RAPH1: variants seen among roughly 807,000 people sequenced by gnomAD.
RAPH1 encodes the protein Ras association (RalGDS/AF-6) and pleckstrin homology domains 1.
In RAPH1, 18 loss-of-function variants were observed where a neutral mutation model predicts 88.1. The observed-to-expected ratio is 0.20, with a 90% CI of 0.14 to 0.30. The LOEUF is 0.30. RAPH1 is among the 10% of genes least tolerant of loss of function. The pLI, the probability that RAPH1 is intolerant of heterozygous loss-of-function variation, is 1.00. For missense variants in RAPH1, 1,448 were observed against 1,543.2 expected (o/e 0.94, Z 1.03); for synonymous variants, 587 against 559.0 (o/e 1.05, Z -0.71).
Position 203,528,998 on chromosome 2 carries a change from TA to T in RAPH1, c.-1+6112del, listed in dbSNP as rs1159301331. ...GTTTTGCTATATATATATATATATA[TA>T]TATATATTTTTTTTTTTTTTTTTTT... On this transcript the variant is annotated intron_variant, in intron 1 of 13. Transcript: ENST00000319170. Among the ~76,000 whole-genome samples the T allele has an allele frequency of 2.3e-3, 211 of 90,408 alleles. 2 individuals are homozygous for T. The highest frequency in any genetic ancestry group is 8.7e-3 in the African/African-American group (161 of 18,566). 59.3% of individuals were successfully genotyped at this position (90,408 alleles called of 152,430 possible).
chr2:203,480,201 G>A (rs1687660234), intron 4 of RAPH1, among the ~76,000 whole-genome samples: 3 of 152,160 alleles, frequency 2.0e-5, no homozygotes, highest in African/African-American at 7.2e-5. Context: ...TTAAAACAAA[G>A]TGCCATTTAC....
At chr2:203,462,884 C>A (rs2098525274) in intron 4 of RAPH1, among the ~76,000 whole-genome samples, 1 of 151,916 alleles carries the variant, frequency 6.6e-6, no homozygotes, top group Non-Finnish European at 1.5e-5. Context: ...CTTTTGATTA[C>A]TCTGGAAAAT....
At chr2:203,510,106 A>C (rs1242726121) in intron 1 of RAPH1, among the ~76,000 whole-genome samples, 1 of 152,150 alleles carries the variant, frequency 6.6e-6, no homozygotes, top group Non-Finnish European at 1.5e-5. Context: ...AAAAAGCTTC[A>C]AGATGTCTGC....
Position 203,436,182 on chromosome 2 carries a change from T to C in RAPH1, c.*3255A>G, listed in dbSNP as rs1416376731. 6.6e-6 allele frequency: 1 copy of C among 152,212 alleles called. No individual in the cohort carries two copies. Among genetic ancestry groups the C allele is most frequent in the Non-Finnish European group, 1.5e-5 (1 of 68,038 alleles). The allele number at this position is 152,212 out of a possible 1,614,324, so 9.4% of individuals were successfully genotyped here. On this transcript the variant is annotated 3_prime_UTR_variant, in exon 14 of 14. Coordinates refer to ENST00000319170, the MANE Select transcript of RAPH1 (RefSeq NM_213589.3). ...ATAGTTCACAGCCCTTTGCAGGATATGCCTTTGGTGGGTGGGAGCACCTAG... is the reference window on the plus strand; with the variant it reads ...ATAGTTCACAGCCCTTTGCAGGATACGCCTTTGGTGGGTGGGAGCACCTAG...
At chr2:203,514,648 G>C (rs1311902991) in intron 1 of RAPH1, among the ~76,000 whole-genome samples, 1 of 151,744 alleles carries the variant, frequency 6.6e-6, no homozygotes, top group Non-Finnish European at 1.5e-5. Context: ...TCTGCCTCCC[G>C]GGTTCATGCC....
At chr2:203,470,778 T>C (rs1186358935) in intron 4 of RAPH1, among the ~76,000 whole-genome samples, 1 of 152,230 alleles carries the variant, frequency 6.6e-6, no homozygotes, top group Non-Finnish European at 1.5e-5. Context: ...CTTATCCAAG[T>C]ATTTCTGATC....
chr2:203,452,718 TC>T (rs2098515910), intron 10 of RAPH1, among the ~76,000 whole-genome samples: 1 of 152,166 alleles, frequency 6.6e-6, no homozygotes, highest in Admixed American at 6.5e-5. Context: ...TCCCAGCACT[TC>T]AGCAGACTGA....
At chr2:203,529,712 T>C (rs1241613743) in intron 1 of RAPH1, among the ~76,000 whole-genome samples, 2 of 152,206 alleles carry the variant, frequency 1.3e-5, no homozygotes, top group Admixed American at 6.5e-5. Flanking sequence ...ACAATAATAC[T>C]GGGCCTACTG....
In RAPH1 at chr2:203,439,461, G is replaced by A. The variant is rs749501910; in HGVS notation, c.3729C>T (p.Asn1243=). Residue 1243 remains asparagine (N), a synonymous_variant, in exon 14 of 14, where the codon AAC becomes AAT. Coordinates refer to ENST00000319170, the MANE Select transcript of RAPH1 (RefSeq NM_213589.3). ...GCTACCAGTCTCTGGAGAGCTTGGTGTTCTGGTCTCTTTTGGGGGGAGCAG... is the reference window on the plus strand; with the variant it reads ...GCTACCAGTCTCTGGAGAGCTTGGTATTCTGGTCTCTTTTGGGGGGAGCAG... ...PPPAPPKRDQ[N]TKLSRDW is the part of the protein sequence containing the mutation. 8 of 1,613,908 alleles carry A rather than the reference G, an allele frequency of 5.0e-6. No homozygotes were observed. The Admixed American group carries it at 1.2e-4, about 24-fold the overall frequency.
intron 4 of RAPH1, among the ~76,000 whole-genome samples, chr2:203,466,039 C>T (rs572766201): frequency 6.6e-6 from 1 of 152,314 alleles, no homozygotes; most frequent in Admixed American, 6.5e-5. Flanking sequence ...ATCCCAGCTG[C>T]TCTTCCATTT....
At position 203,439,635 on chromosome 2, in the gene RAPH1, GGA is replaced by G; in HGVS notation, c.3553_3554del (p.Ser1185LeufsTer14). ...RKSITRHGSL[S>X]SRMSRAEPTA... ...TTGGTTCTGCTCTGGACATGCGGGA[GGA>G]GAGTGAGCCGTGCCGAGTGATGGAC... On this transcript the variant is annotated frameshift_variant, in exon 14 of 14. Transcript: ENST00000319170. LOFTEE classifies it high-confidence loss of function. 6.2e-7 allele frequency: 1 copy of G among 1,614,174 alleles called. No individual in the cohort carries two copies. The highest frequency in any genetic ancestry group is 8.5e-7 in the Non-Finnish European group (1 of 1,180,024).
intron 1 of RAPH1, among the ~76,000 whole-genome samples, chr2:203,532,391 G>A (rs756910827): frequency 3.9e-5 from 6 of 152,130 alleles, no homozygotes; most frequent in Non-Finnish European, 8.8e-5. Flanking sequence ...AGTTAAAATG[G>A]TAATTTGTAT....
intron 1 of RAPH1, among the ~76,000 whole-genome samples, chr2:203,511,186 T>C (rs749876000): frequency 1.3e-5 from 2 of 152,040 alleles, no homozygotes; most frequent in Admixed American, 6.6e-5. Context: ...CACAGAAATA[T>C]ATTCTTTCTT....
rs536549532 is a variant in RAPH1, at chr2:203,434,650, T to C, written c.*4787A>G. The stretch of plus-strand genomic sequence containing the variant: ...ATTAGGTTACAATAAATTTAACGAA[T>C]GGACAGTTTGCAAAATATAAGGGTT... On this transcript the variant is annotated 3_prime_UTR_variant, in exon 14 of 14. Transcript: ENST00000319170. 3 of 152,386 alleles carry C rather than the reference T, an allele frequency of 2.0e-5. No individual in the cohort carries two copies. Among genetic ancestry groups the C allele is most frequent in the Admixed American group, 2.0e-4 (3 of 15,272 alleles). The allele number at this position is 152,386 out of a possible 1,614,324, so 9.4% of individuals were successfully genotyped here. A position where few individuals can be genotyped will look rare whatever the true frequency, so the allele number is the denominator to read the frequency against.
At chr2:203,492,054 C>T (rs548066192) in intron 2 of RAPH1, among the ~76,000 whole-genome samples, 3 of 151,830 alleles carry the variant, frequency 2.0e-5, no homozygotes, top group East Asian at 1.9e-4. Context: ...GCCAACGGGG[C>T]GAAACCCCAT....
chr2:203,454,371 C>A, intron 10 of RAPH1, 59 bp downstream of exon 10: 2 of 1,128,748 alleles, frequency 1.8e-6, no homozygotes, highest in Non-Finnish European at 2.6e-6. Context: ...CTAAAATATC[C>A]AATAACCTGC....
At chr2:203,491,353 A>AC in intron 2 of RAPH1, 34 bp from the exon 3 acceptor site, 3 of 1,395,450 alleles carry the variant, frequency 2.1e-6, no homozygotes, top group Non-Finnish European at 3.0e-6. Context: ...GTCATATTAA[A>AC]TTCAGGTTTC....
At chr2:203,476,062 A>G (rs190387771) in intron 4 of RAPH1, among the ~76,000 whole-genome samples, 8 of 152,334 alleles carry the variant, frequency 5.3e-5, no homozygotes, top group Admixed American at 4.6e-4. Flanking sequence ...TAGCCACATT[A>G]ATTTTAAAAA....
Position 203,433,955 on chromosome 2 carries a change from A to G in RAPH1, c.*5482T>C, listed in dbSNP as rs1294333185. 1 of 152,512 alleles carries G rather than the reference A, an allele frequency of 6.6e-6. No individual in the cohort carries two copies. The highest frequency in any genetic ancestry group is 1.5e-5 in the Non-Finnish European group (1 of 68,020). The allele number at this position is 152,512 out of a possible 1,614,324, so 9.4% of individuals were successfully genotyped here. ...ATAGTTTACTGACATAACTGGCAAG[A>G]GTAACTTGGAAAATAACTTAATCCA... On this transcript the variant is annotated 3_prime_UTR_variant, in exon 14 of 14. Coordinates refer to ENST00000319170, the MANE Select transcript of RAPH1 (RefSeq NM_213589.3).
Sources: gnomAD v4.1 joint callset for allele counts (sites outside exome capture counted in the v4.1 genomes callset) on GRCh38, gnomAD v4.1.1 for gene constraint, MANE v1.5 for transcripts, NCBI Gene and HGNC (gene_info 2026-07-23, HGNC 2026-07-21) for gene names.